The following BCO2 variants were observed in gnomAD, a reference collection of about 807,000 sequenced individuals.
The protein encoded by BCO2 is beta-carotene oxygenase 2, also known as carotenoid-cleaving dioxygenase, mitochondrial.
A neutral mutation model predicts 65.8 loss-of-function variants in BCO2; 56 were observed. That is an observed-to-expected ratio of 0.85 (90% CI 0.69 to 1.06). BCO2 has a LOEUF of 1.06. BCO2 is among the 50% of genes least tolerant of loss of function. The probability of loss-of-function intolerance (pLI) is 0.00; values close to 1 mark genes in which losing one functional copy is unlikely to be tolerated. For missense variants in BCO2, 675 were observed against 698.5 expected, an observed-to-expected ratio of 0.97 and a Z score of 0.38; for synonymous variants, 233 against 242.3, an observed-to-expected ratio of 0.96 and a Z score of 0.36.
At chr11:112,190,390 G>A (rs1053219815) in intron 2 of BCO2, among the ~76,000 whole-genome samples, 4 of 152,106 alleles carry the variant, frequency 2.6e-5, no homozygotes, top group Non-Finnish European at 5.9e-5. Flanking sequence ...CTTTGATCAG[G>A]TGGGATTAAT....
intron 2 of BCO2, among the ~76,000 whole-genome samples, chr11:112,190,724 C>A (rs2135364223): frequency 1.3e-5 from 2 of 151,844 alleles, no homozygotes; most frequent in East Asian, 3.9e-4. Flanking sequence ...GGTGTGGTGG[C>A]ACGTGCCTGT....
chr11:112,214,997 T>G (rs1859623684), intron 10 of BCO2, 53 bp downstream of exon 10: 6 of 1,536,880 alleles, frequency 3.9e-6, no homozygotes, highest in Non-Finnish European at 5.4e-6. Flanking sequence ...TTCTTCCCTT[T>G]GAATTAGTTT....
chr11:112,209,206 A>G (rs1436319411), intron 8 of BCO2, among the ~76,000 whole-genome samples: 1 of 152,208 alleles, frequency 6.6e-6, no homozygotes, highest in East Asian at 1.9e-4. Context: ...CATACAGAAT[A>G]GTTCACTGCC....
chr11:112,216,067 T>A (rs979234873), intron 10 of BCO2, 153 bp from the exon 11 acceptor site: 2 of 621,000 alleles, frequency 3.2e-6, no homozygotes, highest in Non-Finnish European at 2.9e-6. Context: ...GGCCCCACCT[T>A]CAGCACTGGG....
rs1473418275 is a variant in BCO2 at position 112,179,432 on chromosome 11, T to A, written c.243T>A (p.Asn81Lys). ...GGGGACATTTTCCTAAGTGGCTCAA[T>A]GGCTCTCTACTTCGAATTGGACCTG... ...RVWGHFPKWL[N>K]GSLLRIGPGK... The change falls in exon 2 of 12, where the codon AAT (asparagine) becomes AAA (lysine). Residue 81 changes from asparagine (N) to lysine (K), a missense_variant. Physicochemically the swap from Asn to Lys is moderately conservative, Grantham distance 94. Transcript: ENST00000357685. 6.2e-7 allele frequency: 1 copy of A among 1,614,132 alleles called. No individual in the cohort carries two copies. The highest frequency in any genetic ancestry group is 1.1e-5 in the South Asian group (1 of 91,082).
intron 5 of BCO2, among the ~76,000 whole-genome samples, chr11:112,196,049 A>G (rs1867563987): frequency 6.6e-6 from 1 of 152,178 alleles, no homozygotes; most frequent in African/African-American, 2.4e-5. Flanking sequence ...TTCAGCTGAC[A>G]GTATTGGGCA....
chr11:112,176,515 G>GGT (rs1866885288), intron 1 of BCO2: 1 of 81,544 alleles, frequency 1.2e-5, no homozygotes, highest in Non-Finnish European at 2.7e-5. Context: ...AAAATTGATT[G>GGT]GCGGGGGGGG....
intron 2 of BCO2, among the ~76,000 whole-genome samples, chr11:112,180,433 A>G (rs995563772): frequency 6.6e-6 from 1 of 152,168 alleles, no homozygotes; most frequent in African/African-American, 2.4e-5. Flanking sequence ...TTCCCCCACT[A>G]GAATGTAATT....
intron 2 of BCO2, chr11:112,180,706 G>A: frequency 1.3e-6 from 1 of 789,410 alleles, no homozygotes; most frequent in Non-Finnish European, 2.3e-6. Flanking sequence ...GGCGGGAGGA[G>A]AAAAAGGTGG....
chr11:112,201,983 T>TA (rs746121975), intron 7 of BCO2, 40 bp from the exon 8 acceptor site: 10 of 1,508,710 alleles, frequency 6.6e-6, no homozygotes, highest in South Asian at 2.7e-5. Context: ...AGAAGAAAAC[T>TA]AAAAAAAATT....
At position 112,200,682 on chromosome 11, in the gene BCO2, C is replaced by T. The variant is rs1423203879; in HGVS notation, c.935C>T (p.Ser312Phe). Residue 312 changes from serine to phenylalanine, a missense_variant, in exon 7 of 12, where the codon TCT (serine) becomes TTT (phenylalanine). Ser to Phe is a radical substitution (Grantham distance 155). Coordinates refer to ENST00000357685, the MANE Select transcript of BCO2 (RefSeq NM_031938.7). The part of the protein sequence containing the change: ...LKMNLWKIAT[S>F]KIRGKAFSDG... ...ATGAACCTGTGGAAAATTGCCACTT[C>T]TAAAATTCGGGGAAAGGCCTTTTCA... 2 of 1,613,842 alleles carry T rather than the reference C, an allele frequency of 1.2e-6. No homozygotes were observed. The highest frequency in any genetic ancestry group is 1.1e-5 in the South Asian group (1 of 91,052).
intron 8 of BCO2, among the ~76,000 whole-genome samples, chr11:112,207,352 A>G (rs976049180): frequency 1.3e-5 from 2 of 152,230 alleles, no homozygotes; most frequent in Non-Finnish European, 2.9e-5. Context: ...AAACATTCTT[A>G]ACTTAATATG....
In BCO2 at chr11:112,217,864, T is replaced by C. The variant is rs1455289500; in HGVS notation, c.1730T>C (p.Ile577Thr). The change falls in exon 12 of 12, where the codon ATA becomes ACA. Residue 577 changes from isoleucine to threonine, a missense_variant. Transcript: ENST00000357685. ...CCTTATGGGTTCCATGGTACCTTCATACCCATCTGATGGGACAACCACAAG... is the reference window on the plus strand; with the variant it reads ...CCTTATGGGTTCCATGGTACCTTCACACCCATCTGATGGGACAACCACAAG... ...QMPYGFHGTF[I>T]PI 4.3e-6 allele frequency: 7 copies of C among 1,609,794 alleles called. No individual in the cohort carries two copies. The highest frequency in any genetic ancestry group is 5.9e-6 in the Non-Finnish European group (7 of 1,176,822).
intron 2 of BCO2, 151 bp downstream of exon 2, chr11:112,179,633 A>G (rs1312681024): frequency 8.2e-6 from 6 of 728,286 alleles, no homozygotes; most frequent in Non-Finnish European, 1.1e-5. Flanking sequence ...AGGAGAAGAA[A>G]GGAGACTTTT....
At chr11:112,191,444 C>G (rs1038217620) in intron 2 of BCO2, among the ~76,000 whole-genome samples, 2 of 152,050 alleles carry the variant, frequency 1.3e-5, no homozygotes, top group African/African-American at 4.8e-5. Flanking sequence ...TAGAAATATG[C>G]AAACTTTAAA....
chr11:112,197,393 C>G (rs929083273), intron 5 of BCO2, among the ~76,000 whole-genome samples: 83 of 151,988 alleles, frequency 5.5e-4, no homozygotes, highest in Admixed American at 1.3e-4. Flanking sequence ...ACAAAAAATA[C>G]AAAAATTAGC....
intron 5 of BCO2, among the ~76,000 whole-genome samples, chr11:112,195,616 T>C (rs1867550018): frequency 6.6e-6 from 1 of 152,082 alleles, no homozygotes; most frequent in Non-Finnish European, 1.5e-5. Flanking sequence ...CTAATTTTTG[T>C]ATTTTTAGTA....
chr11:112,200,805 A>G, intron 7 of BCO2, 32 bp downstream of exon 7: 2 of 1,597,150 alleles, frequency 1.3e-6, no homozygotes, highest in Non-Finnish European at 1.7e-6. Context: ...TATCATGAAA[A>G]TTGTTGGAAA....
intron 1 of BCO2, among the ~76,000 whole-genome samples, chr11:112,178,124 A>G (rs1388343344): frequency 1.3e-5 from 2 of 151,618 alleles, no homozygotes; most frequent in Non-Finnish European, 2.9e-5. Context: ...TATGTTGGCC[A>G]GACAGGTCTC....
Sources: gnomAD v4.1 joint callset for allele counts (sites outside exome capture counted in the v4.1 genomes callset) on GRCh38, gnomAD v4.1.1 for gene constraint, MANE v1.5 for transcripts, NCBI Gene and HGNC (gene_info 2026-07-23, HGNC 2026-07-21) for gene names.